Variants in KCNU1 observed in about 807,000 individuals in gnomAD.
KCNU1 encodes the protein potassium channel subfamily U member 1.
In KCNU1, 93 loss-of-function variants were observed where a neutral mutation model predicts 126.8. That is an observed-to-expected ratio of 0.73 (90% confidence interval 0.62 to 0.87). The LOEUF is 0.87. KCNU1 is among the 40% of genes least tolerant of loss of function. KCNU1 has a pLI of 0.00. For missense variants in KCNU1, 1,330 were observed against 1,367.1 expected (o/e 0.97, Z 0.43); for synonymous variants, 523 against 494.2 (o/e 1.06, Z -0.77).
chr8:36,874,878 C>T (rs1264484639), intron 19 of KCNU1, among the ~76,000 whole-genome samples: 1 of 151,958 alleles, frequency 6.6e-6, no homozygotes, highest in Non-Finnish European at 1.5e-5. Flanking sequence ...TTGAACGTCC[C>T]TTTCCCTCCC....
intron 16 of KCNU1, among the ~76,000 whole-genome samples, chr8:36,843,563 G>A (rs1805032631): frequency 6.6e-6 from 1 of 152,180 alleles, no homozygotes; most frequent in Admixed American, 6.5e-5. Context: ...ACACCCAAGT[G>A]GCAGAGCCAG....
In KCNU1 at chr8:36,836,843, C is replaced by A. The variant is rs367679030; in HGVS notation, c.1416C>A (p.Ile472=). 1 of 1,613,778 alleles carries A rather than the reference C, an allele frequency of 6.2e-7. No homozygotes were observed. Among genetic ancestry groups the A allele is most frequent in the Non-Finnish European group, 8.5e-7 (1 of 1,179,722 alleles). ...GGAACTGGGACACCGGAGACAACAT[C>A]ATCTGCTTTGCTGAATTAAAACTTG... is the stretch of plus-strand genomic sequence containing the variant. ...PSWNWDTGDN[I]ICFAELKLGF... Residue 472 remains isoleucine, a synonymous_variant, in exon 14 of 27, where the codon ATC becomes ATA. Coordinates refer to ENST00000399881, the MANE Select transcript of KCNU1 (RefSeq NM_001031836.3).
chr8:36,934,720 GA>G (rs1808802801), intron 26 of KCNU1, among the ~76,000 whole-genome samples: 1 of 152,044 alleles, frequency 6.6e-6, no homozygotes, highest in Non-Finnish European at 1.5e-5. Context: ...TCTATGCTAG[GA>G]AAGAGTTGAT....
intron 22 of KCNU1, among the ~76,000 whole-genome samples, chr8:36,913,777 A>G (rs1184402298): frequency 6.6e-6 from 1 of 151,766 alleles, no homozygotes; most frequent in African/African-American, 2.4e-5. Context: ...AATTTTTTGT[A>G]TTTTTAGTAG....
At chr8:36,898,246 C>A (rs1807274594) in intron 19 of KCNU1, among the ~76,000 whole-genome samples, 1 of 152,048 alleles carries the variant, frequency 6.6e-6, no homozygotes, top group African/African-American at 2.4e-5. Context: ...ATATACCCTG[C>A]AATTATTTTA....
chr8:36,841,045 T>C (rs760268831), intron 16 of KCNU1, 42 bp downstream of exon 16: 15 of 1,290,000 alleles, frequency 1.2e-5, no homozygotes, highest in Non-Finnish European at 1.6e-5. Context: ...TTTTTTTTTT[T>C]TTTTTTTTTT....
intron 21 of KCNU1, 54 bp from the exon 22 acceptor site, chr8:36,910,876 G>A (rs1807843725): frequency 7.8e-7 from 1 of 1,288,198 alleles, no homozygotes; most frequent in Non-Finnish European, 1.1e-6. Context: ...CATGAGCCAT[G>A]ATATAACATC....
Position 36,893,069 on chromosome 8 carries a change from C to A in KCNU1, c.2010-12639C>A, listed in dbSNP as rs181751482. On this transcript the variant is annotated intron_variant, in intron 19 of 26. Transcript: ENST00000399881. ...ATCTGCCTCCTGGGATCAAGCAATT[C>A]TCCTGACTCAGCCTCTCAAGTAGCT... is the stretch of plus-strand genomic sequence containing the variant. Among the ~76,000 whole-genome samples the A allele has an allele frequency of 9.2e-5, 14 of 152,250 alleles. No homozygotes were observed. The East Asian group carries it at 2.7e-3, about 30-fold the overall frequency.
At chr8:36,878,325 C>A (rs1806346051) in intron 19 of KCNU1, among the ~76,000 whole-genome samples, 1 of 152,146 alleles carries the variant, frequency 6.6e-6, no homozygotes, top group Non-Finnish European at 1.5e-5. Flanking sequence ...AATGGGAAAT[C>A]TGTGTGCCCC....
At chr8:36,872,444 G>A (rs1350396418) in intron 19 of KCNU1, among the ~76,000 whole-genome samples, 1 of 152,144 alleles carries the variant, frequency 6.6e-6, no homozygotes, top group East Asian at 1.9e-4. Flanking sequence ...CTGTAACTAT[G>A]GTGGGGGCTC....
intron 19 of KCNU1, among the ~76,000 whole-genome samples, chr8:36,902,540 A>C (rs1807459499): frequency 1.3e-5 from 2 of 152,282 alleles, no homozygotes; most frequent in Admixed American, 6.5e-5. Context: ...CTAAAAGGTA[A>C]CATAGCTATT....
At chr8:36,866,598 G>A (rs1805920521) in intron 19 of KCNU1, among the ~76,000 whole-genome samples, 1 of 152,118 alleles carries the variant, frequency 6.6e-6, no homozygotes, top group African/African-American at 2.4e-5. Context: ...ATGAGCACTG[G>A]AATCTGCAGA....
chr8:36,819,545 T>C (rs527849707), intron 10 of KCNU1, among the ~76,000 whole-genome samples: 16 of 152,266 alleles, frequency 1.1e-4, no homozygotes, highest in African/African-American at 3.6e-4. Context: ...CACAACTCTA[T>C]TCATAGTTAA....
intron 23 of KCNU1, among the ~76,000 whole-genome samples, chr8:36,919,888 G>T (rs1209284209): frequency 6.6e-6 from 1 of 152,230 alleles, no homozygotes; most frequent in Non-Finnish European, 1.5e-5. Context: ...AGAGGAATCA[G>T]TAGGTGTCAC....
intron 10 of KCNU1, among the ~76,000 whole-genome samples, chr8:36,818,653 T>C (rs909832475): frequency 9.8e-5 from 15 of 152,336 alleles, no homozygotes; most frequent in African/African-American, 3.1e-4. Context: ...CCAAATATCA[T>C]TCACTAAATA....
intron 10 of KCNU1, among the ~76,000 whole-genome samples, chr8:36,822,907 T>C (rs1804181413): frequency 6.6e-6 from 1 of 152,206 alleles, no homozygotes; most frequent in Non-Finnish European, 1.5e-5. Flanking sequence ...TTTGTATATG[T>C]ACTATTTTTT....
intron 19 of KCNU1, among the ~76,000 whole-genome samples, chr8:36,882,444 C>A (rs1271920915): frequency 6.6e-6 from 1 of 152,184 alleles, no homozygotes; most frequent in African/African-American, 2.4e-5. Flanking sequence ...GCTAGAATTT[C>A]TGTATTCCTG....
Position 36,806,319 on chromosome 8 carries a change from C to T in KCNU1, c.519C>T (p.Ile173=), listed in dbSNP as rs780754275. The T allele has an allele frequency of 2.0e-5, 32 of 1,611,364 alleles. No homozygotes were observed. The South Asian group carries it at 2.6e-4, about 13-fold the overall frequency. The change falls in exon 5 of 27, where the codon ATC becomes ATT. Residue 173 remains isoleucine (I), a synonymous_variant. Coordinates refer to ENST00000399881, the MANE Select transcript of KCNU1 (RefSeq NM_001031836.3). ...KIKFWLEMNS[I]VDIFTIPPTF... ...AGTTCTGGCTGGAGATGAATTCAAT[C>T]GTAGACATCTTTACCATCCCACCAA...
At chr8:36,830,851 G>GCACC (rs1349423328) in intron 10 of KCNU1, among the ~76,000 whole-genome samples, 1 of 151,318 alleles carries the variant, frequency 6.6e-6, no homozygotes, top group African/African-American at 2.4e-5. Flanking sequence ...CTGGTGCGCT[G>GCACC]CACCCACTAA....
Sources: allele counts gnomAD v4.1 joint callset (sites outside exome capture counted in the v4.1 genomes callset), GRCh38; gene constraint gnomAD v4.1.1; transcripts MANE v1.5; gene names NCBI Gene and HGNC (gene_info 2026-07-23, HGNC 2026-07-21).